TDRD7: variants seen among roughly 807,000 people sequenced by gnomAD.
The protein encoded by TDRD7 is tudor domain-containing protein 7.
TDRD7 carries 47 observed loss-of-function variants against 109.8 expected under a neutral mutation model. That is an observed-to-expected ratio of 0.43 (90% confidence interval 0.34 to 0.55). The LOEUF (loss-of-function observed/expected upper bound fraction) is 0.55, where lower values mean the gene tolerates loss of function less well. Ranked by LOEUF, TDRD7 falls within the 20% of genes least tolerant of loss-of-function variation. The pLI, the probability that TDRD7 is intolerant of heterozygous loss-of-function variation, is 0.03. For synonymous variants in TDRD7, 424 were observed against 457.3 expected (o/e 0.93, Z 0.93); for missense variants, 1,164 against 1,319.2 (o/e 0.88, Z 1.82).
intron 9 of TDRD7, among the ~76,000 whole-genome samples, 191 bp from the exon 10 acceptor site, chr9:97,472,102 G>C (rs1828926331): frequency 6.6e-6 from 1 of 152,008 alleles, no homozygotes; most frequent in African/African-American, 2.4e-5. Flanking sequence ...ATTCAAAAGG[G>C]CGTTTACATT....
intron 1 of TDRD7, among the ~76,000 whole-genome samples, chr9:97,417,368 T>C (rs1230272805): frequency 6.6e-6 from 1 of 152,140 alleles, no homozygotes; most frequent in African/African-American, 2.4e-5. Context: ...ATATATTATA[T>C]GAAAAGATCA....
intron 1 of TDRD7, among the ~76,000 whole-genome samples, chr9:97,423,451 A>G (rs949003765): frequency 1.1e-4 from 16 of 151,608 alleles, no homozygotes; most frequent in Admixed American, 2.0e-4. Context: ...GATGGTTTGA[A>G]AACTAGTTTT....
In TDRD7 at chr9:97,415,395, C is replaced by T. The variant is rs566398158; in HGVS notation, c.-7+3157C>T. Among the ~76,000 whole-genome samples, 6 of 152,340 alleles carry T rather than the reference C, an allele frequency of 3.9e-5. No homozygotes were observed. The South Asian group carries it at 6.2e-4, about 16-fold the overall frequency. On this transcript the variant is annotated intron_variant, in intron 1 of 16. Coordinates refer to ENST00000355295, the MANE Select transcript of TDRD7 (RefSeq NM_014290.3). ...TCAATCAATGGTAGAAGGCGTTTAT[C>T]TGGGATACACCAAAACCAGGTTCTT...
chr9:97,432,779 G>A (rs758664168), intron 4 of TDRD7, among the ~76,000 whole-genome samples: 5 of 152,284 alleles, frequency 3.3e-5, no homozygotes, highest in East Asian at 3.9e-4. Context: ...AATGTTAAAC[G>A]AGATGATCTC....
intron 14 of TDRD7, 104 bp from the exon 15 acceptor site, chr9:97,482,745 G>A (rs1829136512): frequency 7.8e-7 from 1 of 1,276,962 alleles, no homozygotes; most frequent in African/African-American, 1.5e-5. Context: ...TTTAGCAAGG[G>A]TTTTGGCAAA....
chr9:97,481,887 G>A (rs1024715768), intron 14 of TDRD7, among the ~76,000 whole-genome samples: 3 of 152,326 alleles, frequency 2.0e-5, no homozygotes, highest in Non-Finnish European at 4.4e-5. Context: ...GCATCTTGTT[G>A]GGAAAAAAAA....
At chr9:97,477,599 G>A (rs1030444133) in intron 12 of TDRD7, among the ~76,000 whole-genome samples, 1 of 151,956 alleles carries the variant, frequency 6.6e-6, no homozygotes, top group Non-Finnish European at 1.5e-5. Flanking sequence ...TACCTTCAAG[G>A]TAGACAAAAG....
intron 6 of TDRD7, among the ~76,000 whole-genome samples, chr9:97,450,338 C>G (rs560081814): frequency 6.6e-6 from 1 of 152,326 alleles, no homozygotes; most frequent in Non-Finnish European, 1.5e-5. Context: ...TCTTCTCCCA[C>G]AGTAGAGGAG....
chr9:97,494,866 AC>A (rs1246656869), intron 16 of TDRD7, among the ~76,000 whole-genome samples: 6 of 151,732 alleles, frequency 4.0e-5, no homozygotes, highest in African/African-American at 1.5e-4. Flanking sequence ...ACAGGCCATT[AC>A]ACCCGGCTAA....
rs572943732 is a variant in TDRD7, at chr9:97,470,505, A to C, written c.1630-53A>C. The C allele has an allele frequency of 3.1e-5, 47 of 1,510,894 alleles. No individual in the cohort carries two copies. In the African/African-American group the frequency reaches 6.2e-4, roughly 20 times the overall value. 93.6% of individuals were successfully genotyped at this position (1,510,894 alleles called of 1,614,324 possible). A position where few individuals can be genotyped will look rare whatever the true frequency, so the allele number is the denominator to read the frequency against. ...TTGAGCCAATTAAGTGTATCAAATG[A>C]ATTTTTTAAAGAGAGGATAAAGAAC... On this transcript the variant is annotated intron_variant, in intron 8 of 16. Transcript: ENST00000355295.
chr9:97,461,001 C>T (rs1488361754), intron 7 of TDRD7, among the ~76,000 whole-genome samples: 1 of 151,872 alleles, frequency 6.6e-6, no homozygotes, highest in Non-Finnish European at 1.5e-5. Flanking sequence ...ATTAGCAGGG[C>T]GTGGTGGCGG....
At position 97,439,282 on chromosome 9, in the gene TDRD7, A is replaced by G. The variant is rs1828255446; in HGVS notation, c.601A>G (p.Met201Val). The G allele has an allele frequency of 2.5e-6, 4 of 1,602,432 alleles. No individual in the cohort carries two copies. The highest frequency in any genetic ancestry group is 1.3e-5 in the African/African-American group (1 of 74,528). Residue 201 changes from methionine (M) to valine (V), a missense_variant, in exon 5 of 17, where the codon ATG (methionine) becomes GTG (valine). Met to Val is a conservative substitution (Grantham distance 21). Coordinates refer to ENST00000355295, the MANE Select transcript of TDRD7 (RefSeq NM_014290.3). ...GGCGTCCCTTCAACCACCTTTGCAG[A>G]TGCATCTCTCAAGAACCTCTACTAA... Reference protein sequence around the residue: ...PKASLQPPLQMHLSRTSTKEM... With the variant: ...PKASLQPPLQVHLSRTSTKEM...
intron 7 of TDRD7, 49 bp from the exon 8 acceptor site, chr9:97,464,793 T>A: frequency 6.2e-7 from 1 of 1,608,378 alleles, no homozygotes; most frequent in Non-Finnish European, 8.5e-7. Context: ...CTATTGCTTT[T>A]CTTCTTCTAG....
intron 14 of TDRD7, among the ~76,000 whole-genome samples, chr9:97,481,924 G>A (rs1017613345): frequency 6.6e-6 from 1 of 152,192 alleles, no homozygotes; most frequent in Non-Finnish European, 1.5e-5. Flanking sequence ...CACTGTAGAT[G>A]GGTTGCCTTG....
Position 97,428,750 on chromosome 9 carries a change from G to C in TDRD7, c.207+78G>C, listed in dbSNP as rs1031399557. ...CTCTGGCACTTCCAATCTCCTACCT[G>C]TGATAGACGTCTAAGTGAAAGTACT... is the stretch of plus-strand genomic sequence containing the variant. On this transcript the variant is annotated intron_variant, in intron 2 of 16. Coordinates refer to ENST00000355295, the MANE Select transcript of TDRD7 (RefSeq NM_014290.3). 9.7e-6 allele frequency: 13 copies of C among 1,336,926 alleles called. No homozygotes were observed. The Admixed American group carries it at 2.2e-4, about 23-fold the overall frequency. The allele number at this position is 1,336,926 out of a possible 1,614,324, so 82.8% of individuals were successfully genotyped here. A position where few individuals can be genotyped will look rare whatever the true frequency, so the allele number is the denominator to read the frequency against.
intron 7 of TDRD7, among the ~76,000 whole-genome samples, chr9:97,462,806 A>T (rs910508983): frequency 1.2e-4 from 19 of 152,102 alleles, no homozygotes; most frequent in African/African-American, 4.3e-4. Context: ...TCTTCCCCCT[A>T]TCTGTGCAGC....
intron 4 of TDRD7, among the ~76,000 whole-genome samples, chr9:97,438,335 T>C (rs987442481): frequency 9.9e-5 from 15 of 152,220 alleles, no homozygotes; most frequent in African/African-American, 3.4e-4. Context: ...GGAATTGATC[T>C]AATTTTTAGA....
intron 15 of TDRD7, among the ~76,000 whole-genome samples, chr9:97,486,303 AGACTATAG>A (rs1346748302): frequency 6.6e-6 from 1 of 152,142 alleles, no homozygotes; most frequent in Admixed American, 6.5e-5. Flanking sequence ...CATGTATTTG[AGACTATAG>A]GACTTTAAAG....
chr9:97,460,499 A>T lies in TDRD7; in HGVS notation c.1177A>T (p.Ile393Phe), dbSNP rs765522687. Residue 393 changes from isoleucine to phenylalanine, a missense_variant, in exon 7 of 17, where the codon ATT becomes TTT. Around this residue, in one of 5 missense-constraint regions of TDRD7, gnomAD observed 407 missense variants for 394.0 expected, o/e 1.03. Coordinates refer to ENST00000355295, the MANE Select transcript of TDRD7 (RefSeq NM_014290.3). ...TTCTGATGTATGCAGCATAGACTAC[A>T]TTTCTGGAAATCCCCAGAAGGCCAT... ...SLSDVCSIDYISGNPQKAILY... is the reference protein window; with the variant it reads ...SLSDVCSIDYFSGNPQKAILY... 2 of 1,614,224 alleles carry T rather than the reference A, an allele frequency of 1.2e-6. No individual in the cohort carries two copies. The highest frequency in any genetic ancestry group is 4.5e-5 in the East Asian group (2 of 44,874).
Sources: gnomAD v4.1 joint callset for allele counts (sites outside exome capture counted in the v4.1 genomes callset) on GRCh38, gnomAD v4.1.1 for gene constraint, gnomAD v4.1.1 regional missense constraint, MANE v1.5 for transcripts, NCBI Gene and HGNC (gene_info 2026-07-23, HGNC 2026-07-21) for gene names.